COPZ2: variants seen among roughly 807,000 people sequenced by gnomAD.
The protein encoded by COPZ2 is coatomer subunit zeta-2.
In COPZ2, 30 loss-of-function variants were observed where a neutral mutation model predicts 33.2. The ratio of observed to expected loss-of-function variants is 0.90; its 90% confidence interval spans 0.68 to 1.23. The LOEUF (loss-of-function observed/expected upper bound fraction) is 1.23. Ranked by LOEUF, COPZ2 falls within the 50% of genes most tolerant of loss-of-function variation. COPZ2 has a pLI of 0.00. For missense variants in COPZ2, 263 were observed against 262.4 expected (o/e 1.00, Z -0.02); for synonymous variants, 89 against 102.6 (o/e 0.87, Z 0.80).
At chr17:48,030,554 A>G (rs2036881394) in intron 6 of COPZ2, among the ~76,000 whole-genome samples, 1 of 152,108 alleles carries the variant, frequency 6.6e-6, no homozygotes, top group Non-Finnish European at 1.5e-5. Flanking sequence ...AAATCACTGG[A>G]AATGACAAAC....
the COPZ2 span, chr17:48,046,283 C>T: frequency 6.6e-6 from 1 of 152,224 alleles, no homozygotes; most frequent in East Asian, 1.9e-4. Flanking sequence ...TAGTTAAACA[C>T]TGTAGTTGAG....
chr17:48,047,248 T>C, the COPZ2 span: 1 of 152,212 alleles, frequency 6.6e-6, no homozygotes, highest in Non-Finnish European at 1.5e-5. Flanking sequence ...ACAGTTGAGT[T>C]GACACCTCTT....
the COPZ2 span, among the ~76,000 whole-genome samples, chr17:48,044,082 C>T: frequency 6.6e-6 from 1 of 152,216 alleles, no homozygotes; most frequent in Admixed American, 6.5e-5. Context: ...TGCAGTGGCT[C>T]ACGCCTGTAA....
At chr17:48,035,575 T>C (rs2036967969) in intron 2 of COPZ2, among the ~76,000 whole-genome samples, 1 of 151,868 alleles carries the variant, frequency 6.6e-6, no homozygotes, top group Non-Finnish European at 1.5e-5. Flanking sequence ...TTCGTTTTTT[T>C]GTTTTTTGTT....
At chr17:48,029,654 T>C (rs931409138) in intron 6 of COPZ2, among the ~76,000 whole-genome samples, 1 of 132,518 alleles carries the variant, frequency 7.5e-6, no homozygotes, top group African/African-American at 2.7e-5. Flanking sequence ...ATCTACCTTC[T>C]CCCCTACTTC....
At chr17:48,041,808 A>G (rs1007969105), upstream of COPZ2, among the ~76,000 whole-genome samples, 1 of 141,928 alleles carries the variant, frequency 7.0e-6, no homozygotes, top group Non-Finnish European at 1.5e-5. Context: ...GAGCTAGTCC[A>G]TTTTTTTTTT....
chr17:48,027,507 G>A (rs1174857300), intron 8 of COPZ2, among the ~76,000 whole-genome samples: 1 of 152,162 alleles, frequency 6.6e-6, no homozygotes, highest in Admixed American at 6.5e-5. Flanking sequence ...ACTCCCATGA[G>A]CACCTGTGTT....
chr17:48,031,614 A>G (rs2036895853), intron 6 of COPZ2: 1 of 153,430 alleles, frequency 6.5e-6, no homozygotes, highest in African/African-American at 2.4e-5. Context: ...ATAGGAGGCA[A>G]CATCTATTGA....
At position 48,032,760 on chromosome 17, in the gene COPZ2, G is replaced by T. The variant is rs753796778; in HGVS notation, c.361-19C>A. On this transcript the variant is annotated intron_variant, in intron 4 of 8. Coordinates refer to ENST00000621465, the MANE Select transcript of COPZ2 (RefSeq NM_016429.4). Reference sequence around the variant, plus strand: ...GCATCAGCTGGGATGGGCAGATACGGGAGGAGGAAAAGGAGAGTTTGAGAT... The same window carrying T: ...GCATCAGCTGGGATGGGCAGATACGTGAGGAGGAAAAGGAGAGTTTGAGAT... 1.3e-6 allele frequency: 2 copies of T among 1,580,314 alleles called. No individual in the cohort carries two copies. Among genetic ancestry groups the T allele is most frequent in the East Asian group, 2.3e-5 (1 of 43,408 alleles).
chr17:48,029,220 A>G (rs777035951), intron 6 of COPZ2, 44 bp from the exon 7 acceptor site: 4 of 1,527,438 alleles, frequency 2.6e-6, no homozygotes, highest in South Asian at 2.4e-5. Context: ...CAGTGGCACA[A>G]TCCTCCCCTC....
the COPZ2 span, among the ~76,000 whole-genome samples, chr17:48,044,869 C>T: frequency 6.6e-6 from 1 of 152,212 alleles, no homozygotes; most frequent in Non-Finnish European, 1.5e-5. Context: ...CTCAGGCAAT[C>T]ATCTATCTAA....
intron 6 of COPZ2, among the ~76,000 whole-genome samples, chr17:48,031,175 G>A (rs2036888988): frequency 6.6e-6 from 1 of 152,134 alleles, no homozygotes; most frequent in Admixed American, 6.5e-5. Context: ...TCTATTGGCC[G>A]GGGATGGTGG....
chr17:48,036,913 A>G lies in COPZ2; in HGVS notation c.124T>C (p.Ser42Pro). 3 of 1,613,496 alleles carry G rather than the reference A, an allele frequency of 1.9e-6. No individual in the cohort carries two copies. Among genetic ancestry groups the G allele is most frequent in the Non-Finnish European group, 2.5e-6 (3 of 1,179,724 alleles). ...EPSGLRLQEP[S>P]LYTIKAVFIL... ...AAAACAGCCTTGATGGTGTAGAGGG[A>G]AGGTTCCTGCAACTGACACCGGAGA... The change falls in exon 2 of 9, where the codon TCC becomes CCC. Residue 42 changes from serine to proline, a missense_variant. Transcript: ENST00000621465.
intron 6 of COPZ2, among the ~76,000 whole-genome samples, chr17:48,030,143 C>G (rs375520691): frequency 6.6e-6 from 1 of 151,250 alleles, no homozygotes; most frequent in Non-Finnish European, 1.5e-5. Context: ...AAAAATTAGC[C>G]GGTAATGGTG....
chr17:48,042,182 G>A (rs1224072892), upstream of COPZ2, among the ~76,000 whole-genome samples: 1 of 152,070 alleles, frequency 6.6e-6, no homozygotes, highest in Non-Finnish European at 1.5e-5. Flanking sequence ...TGCCCAGGCT[G>A]GAGTGCAATG....
chr17:48,044,403 C>CTTTTTTT, the COPZ2 span, among the ~76,000 whole-genome samples: 10 of 101,746 alleles, frequency 9.8e-5, no homozygotes, highest in East Asian at 3.3e-4. Context: ...CAATCTTTTG[C>CTTTTTTT]TTTTTTTTTT....
chr17:48,028,523 A>G lies in COPZ2; in HGVS notation c.547-13T>C. 1.2e-6 allele frequency: 2 copies of G among 1,606,228 alleles called. No individual in the cohort carries two copies. Among genetic ancestry groups the G allele is most frequent in the Non-Finnish European group, 1.7e-6 (2 of 1,176,556 alleles). ...CGCCATCATCTGCCTGTAAGGAAGC[A>G]GAGTCAAGGGGTGGGGTAGGGCCAG... On this transcript the variant is annotated splice_polypyrimidine_tract_variant and intron_variant, in intron 7 of 8. Coordinates refer to ENST00000621465, the MANE Select transcript of COPZ2 (RefSeq NM_016429.4). The surrounding 1 kb of genome is among the most constrained non-coding windows in gnomAD (Gnocchi z 4.5).
chr17:48,037,133 G>A lies in COPZ2; in HGVS notation c.112-208C>T, dbSNP rs2036997496. The stretch of plus-strand genomic sequence containing the variant: ...GCAGATGTTCCACTGCAGGCCCCGA[G>A]TGGGCGCTGTGCCCGTTGGGTGCAG... On this transcript the variant is annotated intron_variant, in intron 1 of 8. Coordinates refer to ENST00000621465, the MANE Select transcript of COPZ2 (RefSeq NM_016429.4). This position sits in a 1 kb window ranked among gnomAD's most constrained non-coding sequence, Gnocchi z 5.6. The A allele has an allele frequency of 1.3e-6, 1 of 767,952 alleles. No homozygotes were observed. Among genetic ancestry groups the A allele is most frequent in the Non-Finnish European group, 2.4e-6 (1 of 411,342 alleles). The allele number at this position is 767,952 out of a possible 1,614,324, so 47.6% of individuals were successfully genotyped here.
upstream of COPZ2, chr17:48,037,821 C>A: frequency 3.2e-6 from 3 of 935,304 alleles, no homozygotes; most frequent in South Asian, 9.8e-5. This position sits in a 1 kb window ranked among gnomAD's most constrained non-coding sequence, Gnocchi z 5.6. Context: ...GCCGCCTGCC[C>A]GCCGCCGCCG....
Sources: allele counts gnomAD v4.1 joint callset (sites outside exome capture counted in the v4.1 genomes callset), GRCh38; gene constraint gnomAD v4.1.1; non-coding constraint Gnocchi (gnomAD v3.1); transcripts MANE v1.5; gene names NCBI Gene and HGNC (gene_info 2026-07-23, HGNC 2026-07-21).